The following NSD1 variants were observed in gnomAD, a reference collection of about 807,000 sequenced individuals.
The protein encoded by NSD1 is histone-lysine N-methyltransferase, H3 lysine-36 specific.
Under a neutral mutation model 242.7 loss-of-function variants are expected in NSD1, and 26 were observed. The observed-to-expected ratio is 0.11, with a 90% confidence interval of 0.08 to 0.15. The LOEUF is 0.15. NSD1 is among the 10% of genes least tolerant of loss of function. NSD1 has a pLI of 1.00. For missense variants in NSD1, 2,495 were observed against 3,272.8 expected, an observed-to-expected ratio of 0.76 and a Z score of 5.80; for synonymous variants, 1,106 against 1,178.1, an observed-to-expected ratio of 0.94 and a Z score of 1.25.
At chr5:177,227,425 C>T (rs890738638) in intron 5 of NSD1, among the ~76,000 whole-genome samples, 5 of 152,124 alleles carry the variant, frequency 3.3e-5, no homozygotes, top group African/African-American at 1.2e-4. Flanking sequence ...TAACAATATT[C>T]ATTAACTTTG....
At chr5:177,283,496 CA>C (rs1759060042) in intron 19 of NSD1, among the ~76,000 whole-genome samples, 1 of 152,186 alleles carries the variant, frequency 6.6e-6, no homozygotes. Flanking sequence ...TCAATGTAGT[CA>C]GAAACCCCTG....
intron 17 of NSD1, among the ~76,000 whole-genome samples, chr5:177,274,561 G>C (rs991750276): frequency 6.6e-6 from 1 of 152,098 alleles, no homozygotes; most frequent in African/African-American, 2.4e-5. Flanking sequence ...AAACATGAAA[G>C]AATATTGTTA....
At chr5:177,204,072 A>G in intron 3 of NSD1, 48 bp from the exon 4 acceptor site, 1 of 1,552,432 alleles carries the variant, frequency 6.4e-7, no homozygotes, top group Non-Finnish European at 8.9e-7. Flanking sequence ...TAATGATGAG[A>G]AGTAATTTCT....
intron 13 of NSD1, among the ~76,000 whole-genome samples, chr5:177,257,831 TA>T (rs1468131640): frequency 3.4e-4 from 51 of 150,326 alleles, no homozygotes; most frequent in African/African-American, 1.2e-3. Context: ...TATTTTATTT[TA>T]TTTTATTTTA....
intron 5 of NSD1, among the ~76,000 whole-genome samples, chr5:177,230,945 T>G (rs1765010003): frequency 6.6e-6 from 1 of 151,896 alleles, no homozygotes; most frequent in South Asian, 2.1e-4. Context: ...TAGTGATGGA[T>G]GGGGATAAAG....
rs1002071844 is a variant in NSD1 at position 177,299,182 on chromosome 5, C to A, written c.*3723C>A. The A allele has an allele frequency of 1.7e-5, 4 of 233,128 alleles. No homozygotes were observed. The highest frequency in any genetic ancestry group is 8.8e-5 in the African/African-American group (4 of 45,336). 14.4% of individuals were successfully genotyped at this position (233,128 alleles called of 1,614,324 possible). On this transcript the variant is annotated 3_prime_UTR_variant, in exon 23 of 23. Transcript: ENST00000439151. ...TAGATCATTGTTTTGTACACACACA[C>A]AATAAAATGTAATGATGGTGCTAAT...
intron 21 of NSD1, among the ~76,000 whole-genome samples, chr5:177,290,733 A>AT (rs1269575491): frequency 6.6e-6 from 1 of 152,202 alleles, no homozygotes; most frequent in Non-Finnish European, 1.5e-5. Flanking sequence ...CTCAATGATC[A>AT]TTTTTTAATC....
At chr5:177,292,306 T>A in intron 22 of NSD1, 148 bp downstream of exon 22, 1 of 820,132 alleles carries the variant, frequency 1.2e-6, no homozygotes, top group Non-Finnish European at 2.0e-6. Context: ...ATTTTGGAAA[T>A]AATGAAAGCA....
At chr5:177,209,205 A>G (rs903655976) in intron 4 of NSD1, among the ~76,000 whole-genome samples, 1 of 151,866 alleles carries the variant, frequency 6.6e-6, no homozygotes, top group African/African-American at 2.4e-5. Flanking sequence ...GGTTCCATAA[A>G]AGCAGGAGGC....
intron 9 of NSD1, among the ~76,000 whole-genome samples, chr5:177,245,471 G>T (rs1004166097): frequency 1.3e-5 from 2 of 152,122 alleles, no homozygotes; most frequent in Non-Finnish European, 2.9e-5. Context: ...TCAAAAAAGA[G>T]CTCACTGAGG....
At chr5:177,286,510 A>G (rs1759339409) in intron 20 of NSD1, among the ~76,000 whole-genome samples, 1 of 152,198 alleles carries the variant, frequency 6.6e-6, no homozygotes, top group South Asian at 2.1e-4. Context: ...AATACCAGAT[A>G]CGATTCTAAG....
At position 177,204,194 on chromosome 5, in the gene NSD1, G is replaced by A. The variant is rs2149836214; in HGVS notation, c.1138G>A (p.Gly380Arg). Residue 380 changes from glycine (G) to arginine (R), a missense_variant, in exon 4 of 23, where the codon GGA (glycine) becomes AGA (arginine). Gly to Arg is a moderately radical substitution (Grantham distance 125). Transcript: ENST00000439151. ...TCCTTCTGAGAGAGCCTGGGTGGCTGGAAAAGCAATCGTCATGTTTGAAGG... is the reference window on the plus strand; with the variant it reads ...TCCTTCTGAGAGAGCCTGGGTGGCTAGAAAAGCAATCGTCATGTTTGAAGG... Reference protein sequence around the residue: ...GDPSERAWVAGKAIVMFEGRH... With the variant: ...GDPSERAWVARKAIVMFEGRH... 1 of 1,614,116 alleles carries A rather than the reference G, an allele frequency of 6.2e-7. No homozygotes were observed. The highest frequency in any genetic ancestry group is 8.5e-7 in the Non-Finnish European group (1 of 1,179,998).
intron 2 of NSD1, among the ~76,000 whole-genome samples, chr5:177,157,212 A>T (rs995851333): frequency 5.9e-5 from 9 of 151,972 alleles, no homozygotes; most frequent in Non-Finnish European, 1.3e-4. Flanking sequence ...TACTAAAAAT[A>T]CAAAATTAGC....
intron 14 of NSD1, 147 bp from the exon 15 acceptor site, chr5:177,267,415 T>C (rs1757580672): frequency 2.8e-6 from 2 of 722,526 alleles, no homozygotes; most frequent in South Asian, 3.2e-5. Context: ...CTGTTTATAC[T>C]CTGGTCATTA....
chr5:177,245,990 G>A (rs1488299489), intron 9 of NSD1, among the ~76,000 whole-genome samples: 1 of 143,594 alleles, frequency 7.0e-6, no homozygotes, highest in Non-Finnish European at 1.5e-5. Flanking sequence ...TTTTTTTTGA[G>A]ATGGAGTTTC....
intron 2 of NSD1, among the ~76,000 whole-genome samples, chr5:177,186,442 T>C (rs1316416293): frequency 6.6e-6 from 1 of 152,042 alleles, no homozygotes; most frequent in Non-Finnish European, 1.5e-5. Context: ...AGGAACATAG[T>C]TGAACCGGTT....
intron 1 of NSD1, 56 bp from the exon 2 acceptor site, chr5:177,135,031 G>A (rs1581088762): frequency 6.8e-7 from 1 of 1,475,512 alleles, no homozygotes; most frequent in African/African-American, 1.4e-5. Context: ...CCATTTTAAA[G>A]AGTCGAGTCA....
At position 177,211,405 on chromosome 5, in the gene NSD1, G is replaced by A; in HGVS notation, c.3006G>A (p.Lys1002=). ...SASLPGLLSD[K]RDLPASGKSR... ...CCCTACCTGGCTTACTGTCCGACAA[G>A]AGAGACCTCCCTGCTTCTGGTAAAA... The change falls in exon 5 of 23, where the codon AAG becomes AAA. Residue 1002 remains lysine, a synonymous_variant. Transcript: ENST00000439151. The A allele has an allele frequency of 1.2e-6, 2 of 1,614,146 alleles. No individual in the cohort carries two copies. The highest frequency in any genetic ancestry group is 3.3e-5 in the Admixed American group (2 of 60,016).
intron 14 of NSD1, chr5:177,264,737 A>C: frequency 1.4e-6 from 1 of 710,918 alleles, no homozygotes. Flanking sequence ...CTTTTGGCCG[A>C]AACTGCCATC....
Sources: gnomAD v4.1 joint callset for allele counts (sites outside exome capture counted in the v4.1 genomes callset) on GRCh38, gnomAD v4.1.1 for gene constraint, MANE v1.5 for transcripts, NCBI Gene and HGNC (gene_info 2026-07-23, HGNC 2026-07-21) for gene names.